The following DDX6 variants were observed in gnomAD, a reference collection of about 807,000 sequenced individuals.
DDX6 encodes the protein probable ATP-dependent RNA helicase DDX6.
A neutral mutation model predicts 60.6 loss-of-function variants in DDX6; 7 were observed. The observed-to-expected ratio is 0.12, with a 90% CI of 0.07 to 0.22. The LOEUF is 0.22. Among genes scored for constraint, DDX6 ranks in the 10% least tolerant of loss-of-function variants. The pLI, the probability that DDX6 is intolerant of heterozygous loss-of-function variation, is 1.00. For synonymous variants in DDX6, 207 were observed against 201.0 expected, an observed-to-expected ratio of 1.03 and a Z score of -0.25; for missense variants, 270 against 589.9, an observed-to-expected ratio of 0.46 and a Z score of 5.62.
chr11:118,755,262 C>T (rs1429301521), intron 12 of DDX6, 140 bp downstream of exon 12: 3 of 598,026 alleles, frequency 5.0e-6, no homozygotes, highest in Non-Finnish European at 8.9e-6. Context: ...AGAAATTAGT[C>T]TTAAATACCA....
At position 118,748,824 on chromosome 11, in the gene DDX6, G is replaced by C. The variant is rs1419779127; in HGVS notation, c.*3281C>G. The C allele has an allele frequency of 6.9e-6, 1 of 144,422 alleles. No homozygotes were observed. Among genetic ancestry groups the C allele is most frequent in the African/African-American group, 2.6e-5 (1 of 38,852 alleles). The allele number at this position is 144,422 out of a possible 1,614,324, so 8.9% of individuals were successfully genotyped here. A position where few individuals can be genotyped will look rare whatever the true frequency, so the allele number is the denominator to read the frequency against. On this transcript the variant is annotated 3_prime_UTR_variant, in exon 14 of 14. Coordinates refer to ENST00000534980, the MANE Select transcript of DDX6 (RefSeq NM_004397.6). ...TCCAACAATTTATACTCAAGGCTTTGTGCTGAGTTGTCGTTTGAACCAAGC... is the reference window on the plus strand; with the variant it reads ...TCCAACAATTTATACTCAAGGCTTTCTGCTGAGTTGTCGTTTGAACCAAGC...
At chr11:118,754,989 GT>G (rs1860916615) in intron 12 of DDX6, 102 bp from the exon 13 acceptor site, 8 of 1,001,344 alleles carry the variant, frequency 8.0e-6, no homozygotes, top group Non-Finnish European at 1.1e-5. Flanking sequence ...TGATAATGAT[GT>G]TCAGTGCCAT....
chr11:118,789,019 A>G (rs1862175611), intron 1 of DDX6: 1 of 151,928 alleles, frequency 6.6e-6, no homozygotes, highest in South Asian at 2.1e-4. Context: ...AAAACATACA[A>G]AGACACGAAA....
intron 7 of DDX6, among the ~76,000 whole-genome samples, chr11:118,760,711 C>T (rs1168918846): frequency 6.6e-6 from 1 of 151,422 alleles, no homozygotes; most frequent in Non-Finnish European, 1.5e-5. Flanking sequence ...ATCCCAGGTA[C>T]TCGGGAGGCT....
At chr11:118,764,670 A>G (rs1175243944) in intron 6 of DDX6, among the ~76,000 whole-genome samples, 1 of 151,852 alleles carries the variant, frequency 6.6e-6, no homozygotes, top group Non-Finnish European at 1.5e-5. Context: ...CTGGCGTGGT[A>G]GCGGGAGCCT....
intron 7 of DDX6, among the ~76,000 whole-genome samples, chr11:118,761,508 C>T (rs920229800): frequency 0.056 from 7 of 124 alleles, no homozygotes; most frequent in African/African-American, 0.14. Context: ...CCCAGCTACT[C>T]GGGAGGGCTG....
At chr11:118,777,673 G>C (rs1555163857) in intron 4 of DDX6, among the ~76,000 whole-genome samples, 1 of 152,058 alleles carries the variant, frequency 6.6e-6, no homozygotes, top group African/African-American at 2.4e-5. Flanking sequence ...GCGATCATTT[G>C]AGGTCAGGAG....
chr11:118,765,798 A>AAG (rs1472997293), intron 5 of DDX6, among the ~76,000 whole-genome samples: 4 of 2,802 alleles, frequency 1.4e-3, no homozygotes, highest in Non-Finnish European at 2.3e-3. Context: ...AAAAAAAAAT[A>AAG]GCCTAGGCAC....
chr11:118,757,203 A>C lies in DDX6; in HGVS notation c.1078T>G (p.Ser360Ala). 6.3e-7 allele frequency: 1 copy of C among 1,589,490 alleles called. No homozygotes were observed. Among genetic ancestry groups the C allele is most frequent in the Non-Finnish European group, 8.5e-7 (1 of 1,170,082 alleles). The change falls in exon 10 of 14, where the codon TCT (serine) becomes GCT (alanine). Residue 360 changes from serine to alanine, a missense_variant. Ser to Ala is a moderately conservative substitution (Grantham distance 99, BLOSUM62 1). Coordinates refer to ENST00000534980, the MANE Select transcript of DDX6 (RefSeq NM_004397.6). ...ATTTTAGCATGAATATAGAAGCAAG[A>C]ATAACCCAGTTGAGAAATCTTCTTG... ...LAKKISQLGY[S>A]CFYIHAKMRQ...
intron 4 of DDX6, among the ~76,000 whole-genome samples, chr11:118,775,179 C>T (rs556190265): frequency 6.6e-6 from 1 of 152,166 alleles, no homozygotes; most frequent in Non-Finnish European, 1.5e-5. Flanking sequence ...GCCGGGTATG[C>T]TGGTGCCCGC....
At chr11:118,790,123 T>G (rs1361104612) in intron 1 of DDX6, 1 of 151,830 alleles carries the variant, frequency 6.6e-6, no homozygotes, top group Non-Finnish European at 1.5e-5. Context: ...CAAGTTGGAG[T>G]GACTGGGTTT....
intron 2 of DDX6, among the ~76,000 whole-genome samples, chr11:118,782,173 T>A (rs4938542): frequency 1.3e-5 from 2 of 152,184 alleles, no homozygotes; most frequent in East Asian, 1.9e-4. Flanking sequence ...AAGGCTCCGT[T>A]CCAAATAAAT....
intron 2 of DDX6, among the ~76,000 whole-genome samples, chr11:118,783,291 C>T (rs1227958050): frequency 6.6e-6 from 1 of 151,952 alleles, no homozygotes; most frequent in Non-Finnish European, 1.5e-5. Flanking sequence ...TTTTTTATTT[C>T]TTTGAGATGG....
At position 118,756,025 on chromosome 11, in the gene DDX6, C is replaced by CT. The variant is rs1436893725; in HGVS notation, c.1174+234_1174+235insA. 6.8e-5 allele frequency among the ~76,000 whole-genome samples: 9 copies of CT among 133,038 alleles called. No homozygotes were observed. In the South Asian group the frequency reaches 1.8e-3, roughly 26 times the overall value. The allele number at this position is 133,038 out of a possible 152,430, so 87.3% of individuals were successfully genotyped here. On this transcript the variant is annotated intron_variant, in intron 11 of 13. Transcript: ENST00000534980. ...AAAGATTCCATCCCCCTCCCCCCCC[C>CT]CCCCAAAAAAAAGACAGAGATGAGG...
At chr11:118,762,931 T>TA (rs1190699521) in intron 7 of DDX6, among the ~76,000 whole-genome samples, 1 of 152,186 alleles carries the variant, frequency 6.6e-6, no homozygotes, top group African/African-American at 2.4e-5. Context: ...GAAAGAGACT[T>TA]AGAATAAATT....
intron 10 of DDX6, among the ~76,000 whole-genome samples, chr11:118,756,683 C>T (rs1306860211): frequency 2.6e-5 from 4 of 152,176 alleles, no homozygotes; most frequent in Non-Finnish European, 5.9e-5. Context: ...CAGAGCAGTG[C>T]TGTCCAGTAA....
rs386375042 is a variant in DDX6, at chr11:118,749,358, GAAAAAAAAA to G, written c.*2738_*2746del. 8.1e-4 allele frequency: 74 copies of G among 91,790 alleles called. No individual in the cohort carries two copies. Among genetic ancestry groups the G allele is most frequent in the African/African-American group, 1.9e-3 (45 of 23,778 alleles). The allele number at this position is 91,790 out of a possible 1,614,324, so 5.7% of individuals were successfully genotyped here. A position where few individuals can be genotyped will look rare whatever the true frequency, so the allele number is the denominator to read the frequency against. On this transcript the variant is annotated 3_prime_UTR_variant, in exon 14 of 14. Transcript: ENST00000534980. ...TTATTATGAGGGCCCAAAAAAGAAA[GAAAAAAAAA>G]AAAAAAAAAAAAAAGACCAGGCTTT...
intron 4 of DDX6, among the ~76,000 whole-genome samples, chr11:118,777,241 A>G (rs111346807): frequency 1.8e-5 from 1 of 55,534 alleles, no homozygotes; most frequent in Non-Finnish European, 4.4e-5. Flanking sequence ...CACTCCACAC[A>G]TGTTGGCTCA....
intron 2 of DDX6, among the ~76,000 whole-genome samples, chr11:118,785,562 C>T (rs530478283): frequency 2.0e-5 from 3 of 151,068 alleles, no homozygotes; most frequent in East Asian, 3.9e-4. Flanking sequence ...AAAAAAGTTA[C>T]GAGAAAATTT....
Sources: allele counts gnomAD v4.1 joint callset (sites outside exome capture counted in the v4.1 genomes callset), GRCh38; gene constraint gnomAD v4.1.1; transcripts MANE v1.5; gene names NCBI Gene and HGNC (gene_info 2026-07-23, HGNC 2026-07-21).